The following CSGALNACT1 variants were observed in gnomAD, a reference collection of about 807,000 sequenced individuals.
The protein encoded by CSGALNACT1 is chondroitin sulfate N-acetylgalactosaminyltransferase 1.
Under a neutral mutation model 51.0 loss-of-function variants are expected in CSGALNACT1, and 52 were observed. The observed-to-expected ratio is 1.02, with a 90% confidence interval of 0.82 to 1.29. CSGALNACT1 has a LOEUF of 1.29. CSGALNACT1 is among the 50% of genes most tolerant of loss of function. The pLI is 0.00. For synonymous variants in CSGALNACT1, 341 were observed against 254.4 expected, an observed-to-expected ratio of 1.34 and a Z score of -3.24; for missense variants, 935 against 679.2, an observed-to-expected ratio of 1.38 and a Z score of -4.19.
chr8:19,668,341 T>TACACACACAC (rs111315690), intron 1 of CSGALNACT1, among the ~76,000 whole-genome samples: 1 of 150,646 alleles, frequency 6.6e-6, no homozygotes, highest in Non-Finnish European at 1.5e-5. Context: ...CATGCACGGT[T>TACACACACAC]ACACACACAC....
At chr8:19,498,095 A>G (rs2075784561) in intron 4 of CSGALNACT1, among the ~76,000 whole-genome samples, 1 of 152,140 alleles carries the variant, frequency 6.6e-6, no homozygotes, top group Non-Finnish European at 1.5e-5. Flanking sequence ...GTCAACGGGC[A>G]CGTATCCACG....
intron 1 of CSGALNACT1, among the ~76,000 whole-genome samples, chr8:19,613,130 C>A (rs2154154039): frequency 6.6e-6 from 1 of 152,140 alleles, no homozygotes; most frequent in South Asian, 2.1e-4. Flanking sequence ...ATTGGTGAGA[C>A]AAAACTCTTA....
At chr8:19,714,813 A>G (rs950928005) in intron 1 of CSGALNACT1, among the ~76,000 whole-genome samples, 1 of 150,616 alleles carries the variant, frequency 6.6e-6, no homozygotes, top group Non-Finnish European at 1.5e-5. Flanking sequence ...CAGGTTTGTT[A>G]TATGGGTAAA....
At chr8:19,595,439 C>G (rs555769418) in intron 2 of CSGALNACT1, among the ~76,000 whole-genome samples, 1 of 152,108 alleles carries the variant, frequency 6.6e-6, no homozygotes, top group African/African-American at 2.4e-5. Context: ...GAACATACAA[C>G]TCTTTATTAA....
chr8:19,453,231 G>C (rs1429322750), intron 5 of CSGALNACT1, among the ~76,000 whole-genome samples: 1 of 152,084 alleles, frequency 6.6e-6, no homozygotes, highest in East Asian at 1.9e-4. Flanking sequence ...ACAAGAATAT[G>C]AATTTAATTT....
intron 3 of CSGALNACT1, among the ~76,000 whole-genome samples, chr8:19,586,498 C>CACTT (rs753576222): frequency 4.1e-4 from 63 of 151,990 alleles, no homozygotes; most frequent in Non-Finnish European, 7.6e-4. Context: ...TCCCCTGGGA[C>CACTT]ACTTTTCAAA....
intron 3 of CSGALNACT1, among the ~76,000 whole-genome samples, chr8:19,526,746 T>A (rs2081791245): frequency 6.6e-6 from 1 of 152,176 alleles, no homozygotes; most frequent in African/African-American, 2.4e-5. Flanking sequence ...AAAAGCTCCA[T>A]CCTTTACCAA....
intron 3 of CSGALNACT1, among the ~76,000 whole-genome samples, chr8:19,516,111 C>G (rs190509128): frequency 9.2e-5 from 14 of 152,246 alleles, no homozygotes; most frequent in African/African-American, 3.4e-4. Context: ...CTTCCAACAC[C>G]CTCCCCTCGT....
At chr8:19,670,533 C>T (rs1310247061) in intron 1 of CSGALNACT1, among the ~76,000 whole-genome samples, 2 of 150,642 alleles carry the variant, frequency 1.3e-5, no homozygotes, top group African/African-American at 4.9e-5. Context: ...TATTCTTATG[C>T]CATCTCTGAA....
chr8:19,457,625 A>T, intron 5 of CSGALNACT1: 1 of 1,261,092 alleles, frequency 7.9e-7, no homozygotes. Flanking sequence ...AAAAAAAGAA[A>T]TAAAAAATCA....
In CSGALNACT1 at chr8:19,472,054, C is replaced by T. The variant is rs148150288; in HGVS notation, c.635-13412G>A. ...TTCCCATCATCTTACCTTAAGACACCAAGGGTTAGAAATTACACTTGCAGG... is the reference window on the plus strand; with the variant it reads ...TTCCCATCATCTTACCTTAAGACACTAAGGGTTAGAAATTACACTTGCAGG... On this transcript the variant is annotated intron_variant, in intron 4 of 9. Coordinates refer to ENST00000454498, the Ensembl canonical transcript of CSGALNACT1. Among the ~76,000 whole-genome samples the T allele has an allele frequency of 2.0e-5, 3 of 152,216 alleles. No homozygotes were observed. In the East Asian group the frequency reaches 5.8e-4, roughly 29 times the overall value.
chr8:19,477,651 T>C (rs1174729351), intron 4 of CSGALNACT1, among the ~76,000 whole-genome samples: 1 of 152,176 alleles, frequency 6.6e-6, no homozygotes, highest in Admixed American at 6.5e-5. Flanking sequence ...AAGGGCAGGC[T>C]CTAGAGCCGG....
intron 3 of CSGALNACT1, among the ~76,000 whole-genome samples, chr8:19,527,152 TAA>T (rs994795671): frequency 1.3e-5 from 2 of 152,100 alleles, no homozygotes; most frequent in African/African-American, 4.8e-5. Flanking sequence ...CATGAAAGGA[TAA>T]ATCAATCAAC....
intron 1 of CSGALNACT1, among the ~76,000 whole-genome samples, chr8:19,627,162 A>G (rs1342721003): frequency 6.6e-6 from 1 of 152,226 alleles, no homozygotes; most frequent in Non-Finnish European, 1.5e-5. Context: ...TGTCTTTCAG[A>G]GAGTAAACAA....
intron 1 of CSGALNACT1, among the ~76,000 whole-genome samples, chr8:19,703,353 G>T (rs1380253901): frequency 6.6e-6 from 1 of 152,184 alleles, no homozygotes; most frequent in Non-Finnish European, 1.5e-5. Flanking sequence ...ACCCAGGCTA[G>T]AGTGCAGCGG....
At chr8:19,536,637 C>A (rs2083808124) in intron 3 of CSGALNACT1, among the ~76,000 whole-genome samples, 1 of 152,088 alleles carries the variant, frequency 6.6e-6, no homozygotes, top group African/African-American at 2.4e-5. Flanking sequence ...AAAATCTCAG[C>A]AAGATTGCTT....
In CSGALNACT1 at chr8:19,647,603, G is replaced by A. The variant is rs1033812554; in HGVS notation, c.-544+34870C>T. On this transcript the variant is annotated intron_variant, in intron 1 of 9. Coordinates refer to the CSGALNACT1 transcript ENST00000332246. ...CTAATCCTAATTCTTACCACAGATCGGAGTTTTCTTTCAACAGAGCGGTGT... is the reference window on the plus strand; with the variant it reads ...CTAATCCTAATTCTTACCACAGATCAGAGTTTTCTTTCAACAGAGCGGTGT... 3.3e-5 allele frequency among the ~76,000 whole-genome samples: 5 copies of A among 152,080 alleles called. No individual in the cohort carries two copies. The South Asian group carries it at 6.2e-4, about 19-fold the overall frequency.
At chr8:19,622,382 G>A (rs1046721624) in intron 1 of CSGALNACT1, among the ~76,000 whole-genome samples, 4 of 152,118 alleles carry the variant, frequency 2.6e-5, no homozygotes, top group African/African-American at 9.7e-5. Context: ...GATCTTATTG[G>A]TTCATGAGAG....
intron 3 of CSGALNACT1, among the ~76,000 whole-genome samples, chr8:19,540,848 C>T (rs2084930786): frequency 6.6e-6 from 1 of 152,158 alleles, no homozygotes; most frequent in Non-Finnish European, 1.5e-5. Context: ...CCTTCAGTAT[C>T]AGCATGGATG....
Sources: allele counts gnomAD v4.1 joint callset (sites outside exome capture counted in the v4.1 genomes callset), GRCh38; gene constraint gnomAD v4.1.1; transcripts MANE v1.5; gene names NCBI Gene and HGNC (gene_info 2026-07-23, HGNC 2026-07-21).